The following GBF1 variants were observed in gnomAD, a reference collection of about 807,000 sequenced individuals.
The protein encoded by GBF1 is golgi brefeldin A resistant guanine nucleotide exchange factor 1.
A neutral mutation model predicts 210.5 loss-of-function variants in GBF1; 114 were observed. The ratio of observed to expected loss-of-function variants is 0.54; its 90% confidence interval spans 0.47 to 0.63. The LOEUF (loss-of-function observed/expected upper bound fraction) is 0.63. GBF1 is among the 30% of genes least tolerant of loss of function. GBF1 has a pLI of 0.00. For synonymous variants in GBF1, 850 were observed against 889.2 expected (o/e 0.96, Z 0.78); for missense variants, 1,851 against 2,357.7 (o/e 0.79, Z 4.45).
chr10:102,238,766 A>G, the GBF1 span, among the ~76,000 whole-genome samples: 1 of 152,176 alleles, frequency 6.6e-6, no homozygotes, highest in South Asian at 2.1e-4. Flanking sequence ...GCAAGGTTAC[A>G]CAGTTTGAAG....
chr10:102,273,979 G>A (rs1304008201), intron 3 of GBF1, among the ~76,000 whole-genome samples: 5 of 152,124 alleles, frequency 3.3e-5, no homozygotes, highest in African/African-American at 1.2e-4. Flanking sequence ...TGAGCTGAGG[G>A]AATCATTTGT....
At chr10:102,298,948 A>T (rs2077122194) in intron 3 of GBF1, among the ~76,000 whole-genome samples, 1 of 152,180 alleles carries the variant, frequency 6.6e-6, no homozygotes, top group African/African-American at 2.4e-5. Context: ...TTAATGTTTA[A>T]ATCAGGATCA....
At chr10:102,315,565 C>G (rs1278945289) in intron 3 of GBF1, among the ~76,000 whole-genome samples, 2 of 152,184 alleles carry the variant, frequency 1.3e-5, no homozygotes, top group Admixed American at 1.3e-4. Flanking sequence ...GACCTCAGCT[C>G]ATCAGGCATT....
intron 3 of GBF1, among the ~76,000 whole-genome samples, chr10:102,264,646 C>A (rs1589416458): frequency 6.6e-6 from 1 of 152,224 alleles, no homozygotes; most frequent in East Asian, 1.9e-4. Context: ...CTTCTCCCCC[C>A]TCCCTGTCTG....
chr10:102,277,700 A>G (rs1385579869), intron 3 of GBF1, among the ~76,000 whole-genome samples: 1 of 152,182 alleles, frequency 6.6e-6, no homozygotes, highest in East Asian at 1.9e-4. Context: ...TTTATCCCTT[A>G]ATACTTCAGT....
intron 1 of GBF1, among the ~76,000 whole-genome samples, chr10:102,246,473 G>A (rs2070843261): frequency 6.6e-6 from 1 of 152,138 alleles, no homozygotes; most frequent in Admixed American, 6.5e-5. Context: ...TGTTTTTGTT[G>A]ACATTTTTCT....
intron 3 of GBF1, among the ~76,000 whole-genome samples, chr10:102,342,038 CTTT>C (rs762320060): frequency 1.0e-4 from 14 of 139,174 alleles, no homozygotes; most frequent in Admixed American, 7.2e-5. Context: ...TTTTTATGTA[CTTT>C]TTTTTTTTTT....
rs1565181417 is a variant in GBF1 at position 102,375,364 on chromosome 10, G to A, written c.3666G>A (p.Leu1222=). Residue 1222 remains leucine, a synonymous_variant, in exon 30 of 40, where the codon CTG becomes CTA. Transcript: ENST00000369983. Reference sequence around the variant, plus strand: ...CTGCCCTAACCCCACTCCAGGTGCTGCTCTCCCTGCGCATTTTGCTACTGA... The same window carrying A: ...CTGCCCTAACCCCACTCCAGGTGCTACTCTCCCTGCGCATTTTGCTACTGA... ...LRREEISAQV[L]LSLRILLLMK... 6.2e-7 allele frequency: 1 copy of A among 1,605,682 alleles called. No homozygotes were observed.
At chr10:102,286,643 T>A (rs191463402) in intron 3 of GBF1, among the ~76,000 whole-genome samples, 134 of 152,126 alleles carry the variant, frequency 8.8e-4, no homozygotes, top group Non-Finnish European at 1.3e-3. Context: ...AAAGGTCAGA[T>A]TTTTTTTGAC....
At chr10:102,327,969 C>G (rs536169248) in intron 3 of GBF1, among the ~76,000 whole-genome samples, 5 of 152,148 alleles carry the variant, frequency 3.3e-5, no homozygotes, top group African/African-American at 1.2e-4. Context: ...CAGCACCTTT[C>G]GAGCAAATAA....
intron 4 of GBF1, among the ~76,000 whole-genome samples, chr10:102,344,585 A>G (rs1385424214): frequency 1.3e-5 from 2 of 152,000 alleles, no homozygotes; most frequent in East Asian, 3.9e-4. Context: ...GGTTCATGCC[A>G]GTCTCCTGCC....
At chr10:102,283,134 A>C (rs2075648927) in intron 3 of GBF1, among the ~76,000 whole-genome samples, 1 of 152,210 alleles carries the variant, frequency 6.6e-6, no homozygotes, top group Non-Finnish European at 1.5e-5. Context: ...CTAAAAGGTA[A>C]CTTTTAAAGT....
chr10:102,374,183 C>G (rs1011939658), intron 29 of GBF1, among the ~76,000 whole-genome samples: 7 of 151,900 alleles, frequency 4.6e-5, no homozygotes, highest in African/African-American at 1.7e-4. Context: ...AACCCCATCT[C>G]TACTAAAAAT....
At chr10:102,238,291 G>T in the GBF1 span, among the ~76,000 whole-genome samples, 6 of 152,208 alleles carry the variant, frequency 3.9e-5, no homozygotes, top group African/African-American at 1.4e-4. Context: ...GAGAAGAAAA[G>T]ATTCTACTGG....
At chr10:102,258,628 G>A (rs992731946) in intron 1 of GBF1, among the ~76,000 whole-genome samples, 1 of 151,130 alleles carries the variant, frequency 6.6e-6, no homozygotes, top group Admixed American at 6.6e-5. Flanking sequence ...TACAAAATTA[G>A]CCAGATATGG....
At chr10:102,370,650 C>T (rs1257512720) in intron 28 of GBF1, 57 bp from the exon 29 acceptor site, 2 of 1,557,292 alleles carry the variant, frequency 1.3e-6, no homozygotes, top group Non-Finnish European at 1.8e-6. Context: ...CCTAGGGGAC[C>T]TGTTGCCCAG....
At chr10:102,281,032 G>T (rs897328358) in intron 3 of GBF1, among the ~76,000 whole-genome samples, 1 of 152,088 alleles carries the variant, frequency 6.6e-6, no homozygotes. Flanking sequence ...TCTATCTCTG[G>T]ATGTCTGCAT....
In GBF1 at chr10:102,363,439, G is replaced by A; in HGVS notation, c.2017+43G>A. Reference sequence around the variant, plus strand: ...ATGACCCTAAGCTCCTCACCTGGAGGGCCTGGTGAAGAGCAGAGGGAGGGA... The same window carrying A: ...ATGACCCTAAGCTCCTCACCTGGAGAGCCTGGTGAAGAGCAGAGGGAGGGA... On this transcript the variant is annotated intron_variant, in intron 16 of 39. Transcript: ENST00000369983. The surrounding 1 kb of genome is among the most constrained non-coding windows in gnomAD (Gnocchi z 4.2). 6.4e-7 allele frequency: 1 copy of A among 1,570,180 alleles called. No individual in the cohort carries two copies.
rs576697944 is a variant in GBF1 at position 102,360,616 on chromosome 10, C to T, written c.1392+221C>T. Reference sequence around the variant, plus strand: ...TGTAGAGTTCCCTGGAAGCAATGGACCTCAGTGACACCTTCACTCAGTTTG... The same window carrying T: ...TGTAGAGTTCCCTGGAAGCAATGGATCTCAGTGACACCTTCACTCAGTTTG... On this transcript the variant is annotated intron_variant, in intron 12 of 39. Transcript: ENST00000369983. Among the ~76,000 whole-genome samples the T allele has an allele frequency of 2.7e-4, 41 of 152,278 alleles. 1 individual carries two copies. In the South Asian group the frequency reaches 8.5e-3, roughly 32 times the overall value.
Sources: gnomAD v4.1 joint callset for allele counts (sites outside exome capture counted in the v4.1 genomes callset) on GRCh38, gnomAD v4.1.1 for gene constraint, Gnocchi (gnomAD v3.1) non-coding constraint, MANE v1.5 for transcripts, NCBI Gene and HGNC (gene_info 2026-07-23, HGNC 2026-07-21) for gene names.